Variants in KCNQ1 observed in about 807,000 individuals in gnomAD.
KCNQ1 encodes the protein potassium voltage-gated channel subfamily KQT member 1.
KCNQ1 carries 49 observed loss-of-function variants against 72.4 expected under a neutral mutation model. That is an observed-to-expected ratio of 0.68 (90% CI 0.54 to 0.86). The LOEUF is 0.86. Ranked by LOEUF, KCNQ1 falls within the 40% of genes least tolerant of loss-of-function variation. The pLI, the probability that KCNQ1 is intolerant of heterozygous loss-of-function variation, is 0.00. For synonymous variants in KCNQ1, 450 were observed against 412.6 expected, an observed-to-expected ratio of 1.09 and a Z score of -1.10; for missense variants, 790 against 945.1, an observed-to-expected ratio of 0.84 and a Z score of 2.15.
chr11:2,450,921 TTC>T lies in KCNQ1; in HGVS notation c.386+5443_386+5444del. Among the ~76,000 whole-genome samples the T allele has an allele frequency of 6.6e-6, 1 of 152,258 alleles. No individual in the cohort carries two copies. The highest frequency in any genetic ancestry group is 6.5e-5 in the Admixed American group (1 of 15,300). ...GGGTGGGTGCTGGCTGGGGAGGGGC[TTC>T]TCTCTGGGGAGCAGGCCCTGGCTGG... On this transcript the variant is annotated intron_variant, in intron 1 of 15. Coordinates refer to ENST00000155840, the MANE Select transcript of KCNQ1 (RefSeq NM_000218.3). This position sits in a 1 kb window ranked among gnomAD's most constrained non-coding sequence, Gnocchi z 7.9.
rs1007732058 is a variant in KCNQ1 at position 2,735,997 on chromosome 11, C to CTG, written c.1515-32843_1515-32842dup. 1.3e-5 allele frequency among the ~76,000 whole-genome samples: 2 copies of CTG among 152,192 alleles called. No homozygotes were observed. The highest frequency in any genetic ancestry group is 2.4e-5 in the African/African-American group (1 of 41,448). ...CTCCAGTGTGTCTGGAGCCCCTTCC[C>CTG]TGTGTACAAAGGGACAGAGAAGCGA... On this transcript the variant is annotated intron_variant, in intron 11 of 15. Coordinates refer to ENST00000155840, the MANE Select transcript of KCNQ1 (RefSeq NM_000218.3). The surrounding 1 kb of genome is among the most constrained non-coding windows in gnomAD (Gnocchi z 7.7).
At position 2,668,333 on chromosome 11, in the gene KCNQ1, C is replaced by T; in HGVS notation, c.1514+6252C>T. The T allele has an allele frequency of 2.5e-6, 1 of 398,614 alleles. No homozygotes were observed. Among genetic ancestry groups the T allele is most frequent in the Non-Finnish European group, 4.4e-6 (1 of 226,090 alleles). The allele number at this position is 398,614 out of a possible 1,614,324, so 24.7% of individuals were successfully genotyped here. On this transcript the variant is annotated intron_variant, in intron 11 of 15. Coordinates refer to ENST00000155840, the MANE Select transcript of KCNQ1 (RefSeq NM_000218.3). The surrounding 1 kb of genome is among the most constrained non-coding windows in gnomAD (Gnocchi z 4.3). ...GGGGAATATATGCCTATGTGTGGAG[C>T]TGCAGGGTCCTGGGTGGGCATATGT...
chr11:2,847,858 GC>G lies in KCNQ1; in HGVS notation c.1893del (p.Arg632GlufsTer34), dbSNP rs397508104. On this transcript the variant is annotated frameshift_variant, in exon 16 of 16. Transcript: ENST00000155840. LOFTEE classifies it low-confidence loss of function (END_TRUNC). ...GGTGGCAGCACCCCCGGCAGCGGCGGCCCCCCCAGAGAGGGCGGGGCCCACA... is the reference window on the plus strand; with the variant it reads ...GGTGGCAGCACCCCCGGCAGCGGCGGCCCCCCAGAGAGGGCGGGGCCCACA... ...LHGGSTPGSGGPPREGGAHIT... is the reference protein window; with the variant it reads ...LHGGSTPGSGXPPREGGAHIT... 7.0e-6 allele frequency: 11 copies of G among 1,574,920 alleles called. No homozygotes were observed. The highest frequency in any genetic ancestry group is 4.7e-5 in the East Asian group (2 of 42,684).
At chr11:2,794,734 A>G (rs1044443696) in intron 15 of KCNQ1, among the ~76,000 whole-genome samples, 8 of 152,182 alleles carry the variant, frequency 5.3e-5, no homozygotes, top group Non-Finnish European at 1.2e-4. Context: ...ACCCAGCAAG[A>G]GAGCCTGAGC....
chr11:2,521,186 C>G (rs114020467), intron 1 of KCNQ1, among the ~76,000 whole-genome samples: 137 of 152,258 alleles, frequency 9.0e-4, no homozygotes, highest in African/African-American at 3.2e-3. Context: ...ACTTCTCTCC[C>G]AAACTGAAAT....
At chr11:2,622,083 G>T in intron 10 of KCNQ1, 1 of 398,244 alleles carries the variant, frequency 2.5e-6, no homozygotes, top group South Asian at 1.3e-4. Context: ...ACTGTCATTT[G>T]TCTGAAGATA....
intron 1 of KCNQ1, among the ~76,000 whole-genome samples, chr11:2,510,758 C>T (rs1847186835): frequency 6.6e-6 from 1 of 152,190 alleles, no homozygotes; most frequent in African/African-American, 2.4e-5. Context: ...GATTCTAGGC[C>T]AGAGCCTGCC....
rs963756775 is a variant in KCNQ1 at position 2,549,636 on chromosome 11, T to TG, written c.478-20985dup. On this transcript the variant is annotated intron_variant, in intron 2 of 15. Transcript: ENST00000155840. This position sits in a 1 kb window ranked among gnomAD's most constrained non-coding sequence, Gnocchi z 6.2. Reference sequence around the variant, plus strand: ...CTCTGCGAGGCCCGGGGTAGGGGCGTGGGGGGGCCTCCTCCTCCCAAGCAC... The same window carrying TG: ...CTCTGCGAGGCCCGGGGTAGGGGCGTGGGGGGGGCCTCCTCCTCCCAAGCAC... Among the ~76,000 whole-genome samples the TG allele has an allele frequency of 3.5e-4, 33 of 95,438 alleles. No homozygotes were observed. Among genetic ancestry groups the TG allele is most frequent in the Non-Finnish European group, 5.1e-4 (25 of 49,454 alleles). The allele number at this position is 95,438 out of a possible 152,430, so 62.6% of individuals were successfully genotyped here.
chr11:2,744,481 C>T (rs149551099), intron 11 of KCNQ1, among the ~76,000 whole-genome samples: 1 of 152,354 alleles, frequency 6.6e-6, no homozygotes, highest in African/African-American at 2.4e-5. Flanking sequence ...GACTTGTTTG[C>T]GGTTGCTCCT....
At chr11:2,672,924 G>A (rs933290654) in intron 11 of KCNQ1, 3 of 398,616 alleles carry the variant, frequency 7.5e-6, no homozygotes, top group Non-Finnish European at 1.3e-5. Flanking sequence ...GGCTGGCCAT[G>A]CAGGCCCACC....
intron 10 of KCNQ1, chr11:2,641,892 C>T (rs994316352): frequency 2.0e-5 from 8 of 398,432 alleles, no homozygotes; most frequent in African/African-American, 1.2e-4. Flanking sequence ...AGAGGGTGCT[C>T]TTTTCCCAGT....
chr11:2,662,390 G>A (rs1434834994), intron 11 of KCNQ1: 1 of 503,580 alleles, frequency 2.0e-6, no homozygotes, highest in Non-Finnish European at 3.5e-6. Context: ...CCCCTCCCCT[G>A]CCCCCCAAAA....
At chr11:2,699,039 G>C (rs1850725688) in intron 11 of KCNQ1, 2 of 398,534 alleles carry the variant, frequency 5.0e-6, no homozygotes, top group East Asian at 7.1e-5. Flanking sequence ...TTCCGACTCC[G>C]GTCCCAATTC....
rs573636596 is a variant in KCNQ1, at chr11:2,646,095, C to G, written c.1394-15866C>G. 1.3e-5 allele frequency: 5 copies of G among 398,574 alleles called. No individual in the cohort carries two copies. The East Asian group carries it at 1.8e-4, about 14-fold the overall frequency. The allele number at this position is 398,574 out of a possible 1,614,324, so 24.7% of individuals were successfully genotyped here. Reference sequence around the variant, plus strand: ...CCATAGAAGCAGACTGCCTGACTCCCCTCTTATCCCTTGCATTGGGTTTTT... The same window carrying G: ...CCATAGAAGCAGACTGCCTGACTCCGCTCTTATCCCTTGCATTGGGTTTTT... On this transcript the variant is annotated intron_variant, in intron 10 of 15. Transcript: ENST00000155840.
At chr11:2,788,555 G>GC (rs1280892561) in intron 15 of KCNQ1, among the ~76,000 whole-genome samples, 5 of 62,276 alleles carry the variant, frequency 8.0e-5, no homozygotes, top group Non-Finnish European at 1.8e-4. Flanking sequence ...ACCACCCCCC[G>GC]CCCCCCACAC....
chr11:2,724,080 C>T lies in KCNQ1; in HGVS notation c.1515-44764C>T, dbSNP rs1381683647. ...CTGCACACAGCCCCTCCGGTGGTGC[C>T]TGGGGGCCCAGGCTTTTGATAGAGA... On this transcript the variant is annotated intron_variant, in intron 11 of 15. Transcript: ENST00000155840. The surrounding 1 kb of genome is among the most constrained non-coding windows in gnomAD (Gnocchi z 6.8). Among the ~76,000 whole-genome samples, 1 of 152,140 alleles carries T rather than the reference C, an allele frequency of 6.6e-6. No homozygotes were observed. Among genetic ancestry groups the T allele is most frequent in the Non-Finnish European group, 1.5e-5 (1 of 68,014 alleles).
At position 2,613,438 on chromosome 11, in the gene KCNQ1, T is replaced by C. The variant is rs2133793635; in HGVS notation, c.1393+24584T>C. 1 of 398,582 alleles carries C rather than the reference T, an allele frequency of 2.5e-6. No individual in the cohort carries two copies. The highest frequency in any genetic ancestry group is 3.6e-5 in the East Asian group (1 of 28,076). 24.7% of individuals were successfully genotyped at this position (398,582 alleles called of 1,614,324 possible). A position where few individuals can be genotyped will look rare whatever the true frequency, so the allele number is the denominator to read the frequency against. On this transcript the variant is annotated intron_variant, in intron 10 of 15. Coordinates refer to ENST00000155840, the MANE Select transcript of KCNQ1 (RefSeq NM_000218.3). This position sits in a 1 kb window ranked among gnomAD's most constrained non-coding sequence, Gnocchi z 4.8. ...TTGCTTAACATAGTGCATAGGGTTT[T>C]CTATGGAATTCAAAATCAGATGAGC...
chr11:2,814,367 G>A (rs560464491), intron 15 of KCNQ1, among the ~76,000 whole-genome samples: 4 of 150,374 alleles, frequency 2.7e-5, no homozygotes, highest in African/African-American at 9.8e-5. Context: ...GGATAAAGAG[G>A]TGGATAGATA....
chr11:2,452,789 A>T (rs781763010), intron 1 of KCNQ1, among the ~76,000 whole-genome samples: 1 of 152,226 alleles, frequency 6.6e-6, no homozygotes, highest in Non-Finnish European at 1.5e-5. Flanking sequence ...TAAAAACCGC[A>T]TGTAACTCCA....
Sources: allele counts gnomAD v4.1 joint callset (sites outside exome capture counted in the v4.1 genomes callset), GRCh38; gene constraint gnomAD v4.1.1; non-coding constraint Gnocchi (gnomAD v3.1); transcripts MANE v1.5; gene names NCBI Gene and HGNC (gene_info 2026-07-23, HGNC 2026-07-21).